The following C1orf87 variants were observed in gnomAD, a reference collection of about 807,000 sequenced individuals.
C1orf87 encodes the protein chromosome 1 open reading frame 87.
A neutral mutation model predicts 60.5 loss-of-function variants in C1orf87; 58 were observed. The observed-to-expected ratio is 0.96, with a 90% confidence interval of 0.78 to 1.19. The LOEUF (loss-of-function observed/expected upper bound fraction) is 1.19. C1orf87 is among the 50% of genes most tolerant of loss of function. The pLI is 0.00. For synonymous variants in C1orf87, 236 were observed against 227.4 expected (o/e 1.04, Z -0.34); for missense variants, 673 against 638.6 (o/e 1.05, Z -0.58).
intron 2 of C1orf87, among the ~76,000 whole-genome samples, chr1:60,062,217 G>GA (rs1645502224): frequency 6.6e-6 from 1 of 152,130 alleles, no homozygotes; most frequent in Admixed American, 6.6e-5. Context: ...ATAACTTGCA[G>GA]TTCTCTTAAT....
At chr1:60,053,759 A>G (rs1645432367) in intron 3 of C1orf87, among the ~76,000 whole-genome samples, 1 of 152,168 alleles carries the variant, frequency 6.6e-6, no homozygotes, top group African/African-American at 2.4e-5. Context: ...CTACATCGTT[A>G]TGCTATTTTT....
intron 3 of C1orf87, among the ~76,000 whole-genome samples, chr1:60,050,048 T>C (rs4517380): frequency 0.8 from 122,011 of 152,032 alleles, 49,394 homozygotes; most frequent in South Asian, 0.88. Context: ...TTACCCATTA[T>C]TCATAGTGCT....
intron 8 of C1orf87, 24 bp from the exon 9 acceptor site, chr1:60,010,480 A>G: frequency 1.3e-6 from 2 of 1,599,652 alleles, no homozygotes; most frequent in Non-Finnish European, 1.7e-6. Context: ...GGAAACATAA[A>G]TTGGTGATCA....
intron 7 of C1orf87, among the ~76,000 whole-genome samples, chr1:60,032,285 C>T (rs922269696): frequency 6.6e-6 from 1 of 152,118 alleles, no homozygotes; most frequent in Non-Finnish European, 1.5e-5. Context: ...GTATATTGAA[C>T]TCAATGGAAT....
Position 60,010,328 on chromosome 1 carries a change from C to T in C1orf87, c.1192+64G>A. 4 of 1,404,774 alleles carry T rather than the reference C, an allele frequency of 2.8e-6. No homozygotes were observed. In the South Asian group the frequency reaches 4.7e-5, roughly 17 times the overall value. The allele number at this position is 1,404,774 out of a possible 1,614,324, so 87.0% of individuals were successfully genotyped here. The stretch of plus-strand genomic sequence containing the variant: ...CAAGCAAACCACTCAAACTAGGCAG[C>T]ATAGTCAACAATAGCTGTGAAAAAT... On this transcript the variant is annotated intron_variant, in intron 9 of 11. Transcript: ENST00000371201.
intron 8 of C1orf87, among the ~76,000 whole-genome samples, chr1:60,013,128 T>C (rs1475483808): frequency 1.3e-5 from 2 of 152,166 alleles, no homozygotes; most frequent in Non-Finnish European, 2.9e-5. Context: ...TTTTTCTTAA[T>C]TTAGCTTACA....
intron 3 of C1orf87, among the ~76,000 whole-genome samples, chr1:60,042,655 C>A (rs1166236464): frequency 4.5e-3 from 1 of 222 alleles, no homozygotes; most frequent in Non-Finnish European, 9.3e-3. Flanking sequence ...TTATTTAAAT[C>A]CTTACACAAC....
chr1:60,042,660 C>CA (rs56665742), intron 3 of C1orf87, among the ~76,000 whole-genome samples: 152,383 of 152,384 alleles, frequency 1, 76,191 homozygotes, highest in Non-Finnish European at 1. Flanking sequence ...TAAATCCTTA[C>CA]ACAACAATAC....
chr1:60,055,018 A>G lies in C1orf87; in HGVS notation c.342+186T>C, dbSNP rs538744131. On this transcript the variant is annotated intron_variant, in intron 3 of 11. Transcript: ENST00000371201. ...ATGACCAACTCCGTTGGTGGTCAGC[A>G]AAGATACAATATACAAAATGACCCT... 3.3e-5 allele frequency among the ~76,000 whole-genome samples: 5 copies of G among 152,308 alleles called. No individual in the cohort carries two copies. The South Asian group carries it at 1.0e-3, about 32-fold the overall frequency.
At chr1:60,052,599 C>A (rs1645422376) in intron 3 of C1orf87, among the ~76,000 whole-genome samples, 1 of 152,218 alleles carries the variant, frequency 6.6e-6, no homozygotes, top group Non-Finnish European at 1.5e-5. Context: ...TTCGAACTTA[C>A]TCTGTGATTT....
chr1:59,997,582 A>G (rs775950790), intron 11 of C1orf87, 27 bp downstream of exon 11: 2 of 1,610,476 alleles, frequency 1.2e-6, no homozygotes, highest in African/African-American at 2.7e-5. Context: ...ATAGAAACCT[A>G]TGCCAGCTTT....
intron 11 of C1orf87, among the ~76,000 whole-genome samples, chr1:59,995,403 T>C (rs1644956881): frequency 6.6e-6 from 1 of 152,210 alleles, no homozygotes; most frequent in Non-Finnish European, 1.5e-5. Context: ...CCTCCGCATG[T>C]ACATTTGGAT....
At chr1:60,006,685 A>AT (rs1553125679) in intron 9 of C1orf87, among the ~76,000 whole-genome samples, 1 of 151,994 alleles carries the variant, frequency 6.6e-6, no homozygotes, top group Non-Finnish European at 1.5e-5. Context: ...GTGAAATACT[A>AT]TTTTAGACTT....
Position 59,990,464 on chromosome 1 carries a change from A to T in C1orf87, c.*209T>A, listed in dbSNP as rs886133282. ...AGCTGGGTTCTTGCCACATCAAAAGATAAAACTAGGTTTCCTCTGATCACT... is the reference window on the plus strand; with the variant it reads ...AGCTGGGTTCTTGCCACATCAAAAGTTAAAACTAGGTTTCCTCTGATCACT... On this transcript the variant is annotated 3_prime_UTR_variant, in exon 12 of 12. Transcript: ENST00000371201. The T allele has an allele frequency of 5.0e-5, 21 of 419,440 alleles. No homozygotes were observed. Among genetic ancestry groups the T allele is most frequent in the African/African-American group, 4.2e-4 (21 of 49,582 alleles). 26.0% of individuals were successfully genotyped at this position (419,440 alleles called of 1,614,324 possible). A position where few individuals can be genotyped will look rare whatever the true frequency, so the allele number is the denominator to read the frequency against.
At chr1:60,022,301 G>T (rs1342153335) in intron 8 of C1orf87, among the ~76,000 whole-genome samples, 2 of 151,932 alleles carry the variant, frequency 1.3e-5, no homozygotes, top group East Asian at 3.9e-4. Flanking sequence ...GAAAGATAAT[G>T]GTAGTGTGGA....
chr1:59,995,525 C>T (rs1325855223), intron 11 of C1orf87, among the ~76,000 whole-genome samples: 1 of 152,212 alleles, frequency 6.6e-6, no homozygotes, highest in African/African-American at 2.4e-5. Flanking sequence ...ACTCGCTTCT[C>T]CATCATACTC....
intron 9 of C1orf87, among the ~76,000 whole-genome samples, chr1:60,002,712 C>T (rs1351745615): frequency 1.3e-5 from 2 of 152,116 alleles, no homozygotes; most frequent in Non-Finnish European, 2.9e-5. Context: ...TTGCCCGTGC[C>T]TATGTCCTGA....
At chr1:60,032,151 T>A (rs566945366) in intron 7 of C1orf87, among the ~76,000 whole-genome samples, 1 of 152,332 alleles carries the variant, frequency 6.6e-6, no homozygotes, top group South Asian at 2.1e-4. Flanking sequence ...TTCTTTTAAA[T>A]TCTCTGACTC....
At chr1:60,044,029 G>A (rs1645346983) in intron 3 of C1orf87, among the ~76,000 whole-genome samples, 1 of 152,050 alleles carries the variant, frequency 6.6e-6, no homozygotes, top group African/African-American at 2.4e-5. Flanking sequence ...TTGTTTGTTT[G>A]TTTTCTGTTT....
Sources: allele counts gnomAD v4.1 joint callset (sites outside exome capture counted in the v4.1 genomes callset), GRCh38; gene constraint gnomAD v4.1.1; transcripts MANE v1.5; gene names NCBI Gene and HGNC (gene_info 2026-07-23, HGNC 2026-07-21).